The following PLCL1 variants were observed in gnomAD, a reference collection of about 807,000 sequenced individuals.
The protein encoded by PLCL1 is inactive phospholipase C-like protein 1.
Under a neutral mutation model 84.4 loss-of-function variants are expected in PLCL1, and 41 were observed. That is an observed-to-expected ratio of 0.49 (90% CI 0.38 to 0.63). PLCL1 has a LOEUF of 0.63. Ranked by LOEUF, PLCL1 falls within the 30% of genes least tolerant of loss-of-function variation. The pLI, the probability that PLCL1 is intolerant of heterozygous loss-of-function variation, is 0.00. For synonymous variants in PLCL1, 490 were observed against 488.3 expected, an observed-to-expected ratio of 1.00 and a Z score of -0.05; for missense variants, 1,206 against 1,367.8, an observed-to-expected ratio of 0.88 and a Z score of 1.87.
intron 1 of PLCL1, among the ~76,000 whole-genome samples, chr2:198,033,348 C>A (rs1691470579): frequency 6.6e-6 from 1 of 152,140 alleles, no homozygotes; most frequent in Non-Finnish European, 1.5e-5. Context: ...GGGAGAGCCA[C>A]ATTTTCCAAA....
chr2:197,977,242 A>G (rs541285137), intron 1 of PLCL1, among the ~76,000 whole-genome samples: 1 of 152,324 alleles, frequency 6.6e-6, no homozygotes, highest in African/African-American at 2.4e-5. Context: ...GCGATCCAAT[A>G]ACATCATCAA....
intron 3 of PLCL1, among the ~76,000 whole-genome samples, chr2:198,090,017 A>C (rs1229475221): frequency 6.6e-6 from 1 of 152,172 alleles, no homozygotes; most frequent in East Asian, 1.9e-4. Flanking sequence ...TATTTCTTGG[A>C]GAAACAATTG....
chr2:198,141,536 A>G (rs540335330), intron 5 of PLCL1, among the ~76,000 whole-genome samples: 80 of 152,002 alleles, frequency 5.3e-4, no homozygotes, highest in African/African-American at 1.9e-3. Context: ...TGTTGTTTTA[A>G]TTTCTCAAAT....
chr2:198,085,204 G>C lies in PLCL1; in HGVS notation c.1687G>C (p.Glu563Gln), dbSNP rs1323856260. ...AGTAACAGATGAAGATGAAGAAGCT[G>C]AAATGTCTCGAAGGATGTCGGTAGA... The part of the protein sequence containing the change: ...GEVTDEDEEA[E>Q]MSRRMSVDYN... Residue 563 changes from glutamate to glutamine, a missense_variant, in exon 2 of 6, where the codon GAA becomes CAA. Glu to Gln is a conservative substitution (Grantham distance 29). Coordinates refer to ENST00000428675, the MANE Select transcript of PLCL1 (RefSeq NM_006226.4). This position sits in a 1 kb window ranked among gnomAD's most constrained non-coding sequence, Gnocchi z 5.3. 1 of 1,613,960 alleles carries C rather than the reference G, an allele frequency of 6.2e-7. No individual in the cohort carries two copies. The highest frequency in any genetic ancestry group is 1.1e-5 in the South Asian group (1 of 91,058).
At position 197,804,942 on chromosome 2, in the gene PLCL1, T is replaced by TGCCGCCGCCGCCGCC. The variant is rs3056066; in HGVS notation, c.-148_-134dup. On this transcript the variant is annotated 5_prime_UTR_variant, in exon 1 of 6. Coordinates refer to ENST00000428675, the MANE Select transcript of PLCL1 (RefSeq NM_006226.4). ...GAGCGATGTCCCCTCTCCAGAAAGT[T>TGCCGCCGCCGCCGCC]GCCGCCGCCGCCGCCGCCGCCGCCA... 1.2e-5 allele frequency: 9 copies of TGCCGCCGCCGCCGCC among 733,080 alleles called. No individual in the cohort carries two copies. The highest frequency in any genetic ancestry group is 7.2e-5 in the East Asian group (2 of 27,790). 45.4% of individuals were successfully genotyped at this position (733,080 alleles called of 1,614,324 possible). A position where few individuals can be genotyped will look rare whatever the true frequency, so the allele number is the denominator to read the frequency against.
At chr2:197,956,013 C>T (rs1440226316) in intron 1 of PLCL1, among the ~76,000 whole-genome samples, 2 of 151,722 alleles carry the variant, frequency 1.3e-5, no homozygotes, top group Non-Finnish European at 2.9e-5. Flanking sequence ...ATGTTCCCCT[C>T]CCTGTGTCCA....
At chr2:198,100,566 C>G (rs887316244) in intron 3 of PLCL1, among the ~76,000 whole-genome samples, 21 of 152,174 alleles carry the variant, frequency 1.4e-4, no homozygotes, top group African/African-American at 5.1e-4. Context: ...CTTAGGGGAA[C>G]TGGAACACCA....
intron 1 of PLCL1, among the ~76,000 whole-genome samples, chr2:198,077,743 G>A (rs1250284129): frequency 6.6e-6 from 1 of 152,070 alleles, no homozygotes; most frequent in Non-Finnish European, 1.5e-5. Flanking sequence ...CACCTAGATG[G>A]CCCATAGTCA....
intron 1 of PLCL1, among the ~76,000 whole-genome samples, chr2:197,891,110 G>A (rs1378325009): frequency 6.6e-6 from 1 of 151,692 alleles, no homozygotes; most frequent in East Asian, 1.9e-4. Context: ...ACTCTGTCAA[G>A]GATGTGCTAG....
chr2:197,975,602 G>A (rs966305565), intron 1 of PLCL1, among the ~76,000 whole-genome samples: 9 of 151,954 alleles, frequency 5.9e-5, no homozygotes, highest in East Asian at 1.9e-4. Context: ...CCAGGAGTTC[G>A]AGACCAGTCT....
intron 1 of PLCL1, among the ~76,000 whole-genome samples, chr2:197,994,518 G>T (rs1367685886): frequency 6.6e-6 from 1 of 152,182 alleles, no homozygotes; most frequent in Non-Finnish European, 1.5e-5. Context: ...GGGGATATAA[G>T]ATATGCTTTC....
chr2:197,997,844 C>T (rs1445138592), intron 1 of PLCL1, among the ~76,000 whole-genome samples: 1 of 152,134 alleles, frequency 6.6e-6, no homozygotes, highest in East Asian at 1.9e-4. Flanking sequence ...GGTCCCTTTG[C>T]CTCCCAAAAA....
At chr2:198,024,171 C>A (rs1691207493) in intron 1 of PLCL1, among the ~76,000 whole-genome samples, 1 of 152,160 alleles carries the variant, frequency 6.6e-6, no homozygotes, top group Non-Finnish European at 1.5e-5. Flanking sequence ...ACCACATGTT[C>A]TCACTCATAA....
At chr2:198,130,639 C>T (rs1029802981) in intron 5 of PLCL1, among the ~76,000 whole-genome samples, 2 of 152,130 alleles carry the variant, frequency 1.3e-5, no homozygotes, top group Admixed American at 1.3e-4. Flanking sequence ...TCCTCAGTGA[C>T]ACCTCTGGAA....
At chr2:198,114,850 CAT>C (rs1331178065) in intron 5 of PLCL1, among the ~76,000 whole-genome samples, 1 of 151,258 alleles carries the variant, frequency 6.6e-6, no homozygotes, top group Non-Finnish European at 1.5e-5. Flanking sequence ...TATATACACA[CAT>C]ATATGGTATG....
intron 1 of PLCL1, among the ~76,000 whole-genome samples, chr2:198,072,031 T>C (rs1410450440): frequency 6.6e-6 from 1 of 151,942 alleles, no homozygotes; most frequent in Non-Finnish European, 1.5e-5. Flanking sequence ...ACTATCCCAT[T>C]GGGCTTTTCA....
chr2:198,139,976 C>T (rs1172801823), intron 5 of PLCL1, among the ~76,000 whole-genome samples: 1 of 151,920 alleles, frequency 6.6e-6, no homozygotes, highest in Non-Finnish European at 1.5e-5. Flanking sequence ...CTCTGTCACC[C>T]AGGCTGGAGG....
intron 5 of PLCL1, among the ~76,000 whole-genome samples, chr2:198,135,059 A>T (rs1031517555): frequency 6.6e-6 from 1 of 152,196 alleles, no homozygotes; most frequent in African/African-American, 2.4e-5. Context: ...AACTATCTTG[A>T]TAGCCTTTGC....
intron 1 of PLCL1, among the ~76,000 whole-genome samples, chr2:198,075,338 G>A (rs1356006965): frequency 3.9e-5 from 6 of 152,322 alleles, no homozygotes; most frequent in African/African-American, 9.6e-5. Context: ...ACTGATAGCC[G>A]CAAGTCGTTC....
Sources: gnomAD v4.1 joint callset for allele counts (sites outside exome capture counted in the v4.1 genomes callset) on GRCh38, gnomAD v4.1.1 for gene constraint, Gnocchi (gnomAD v3.1) non-coding constraint, MANE v1.5 for transcripts, NCBI Gene and HGNC (gene_info 2026-07-23, HGNC 2026-07-21) for gene names.